Variants in MARCHF1 observed in about 807,000 individuals in gnomAD.
The protein encoded by MARCHF1 is membrane associated ring-CH-type finger 1, also known as E3 ubiquitin-protein ligase MARCHF1.
A neutral mutation model predicts 54.2 loss-of-function variants in MARCHF1; 40 were observed. The ratio of observed to expected loss-of-function variants is 0.74; its 90% confidence interval spans 0.57 to 0.96. The LOEUF is 0.96. Among genes scored for constraint, MARCHF1 ranks in the 40% least tolerant of loss-of-function variants. The pLI is 0.00. For synonymous variants in MARCHF1, 236 were observed against 236.3 expected (o/e 1.00, Z 0.01); for missense variants, 586 against 656.5 (o/e 0.89, Z 1.17).
intron 4 of MARCHF1, among the ~76,000 whole-genome samples, chr4:163,809,182 C>A (rs1215344854): frequency 6.6e-6 from 1 of 152,080 alleles, no homozygotes; most frequent in Non-Finnish European, 1.5e-5. Context: ...ATTGTTAAGT[C>A]AATTAATAAA....
At chr4:163,661,590 C>CTT in intron 5 of MARCHF1, among the ~76,000 whole-genome samples, 1 of 151,914 alleles carries the variant, frequency 6.6e-6, no homozygotes, top group Admixed American at 6.6e-5. Context: ...AATTTTGATA[C>CTT]TTTAAAAAGT....
intron 1 of MARCHF1, among the ~76,000 whole-genome samples, chr4:164,149,006 C>A (rs1729854415): frequency 6.6e-6 from 1 of 152,190 alleles, no homozygotes; most frequent in African/African-American, 2.4e-5. Flanking sequence ...TCATGGGGGG[C>A]AGGTCTTTCA....
rs1262752033 is a variant in MARCHF1 at position 163,760,824 on chromosome 4, T to C, written c.112-59961A>G. Among the ~76,000 whole-genome samples, 3 of 152,198 alleles carry C rather than the reference T, an allele frequency of 2.0e-5. No homozygotes were observed. In the South Asian group the frequency reaches 6.2e-4, roughly 32 times the overall value. On this transcript the variant is annotated intron_variant, in intron 4 of 9. Transcript: ENST00000514618. ...TAATTATGGGTTAGCCAACATTTCA[T>C]CTTATAAATTTACTCTCCTCATTTT...
intron 2 of MARCHF1, among the ~76,000 whole-genome samples, chr4:164,025,859 A>G (rs931863698): frequency 1.3e-5 from 2 of 152,024 alleles, no homozygotes; most frequent in African/African-American, 4.8e-5. Flanking sequence ...AAATATTTAA[A>G]TAAGTGCAAT....
At chr4:163,772,405 G>A (rs983810737) in intron 4 of MARCHF1, among the ~76,000 whole-genome samples, 5 of 152,142 alleles carry the variant, frequency 3.3e-5, no homozygotes, top group African/African-American at 9.7e-5. Context: ...TCATGTAGGC[G>A]TGACTGGGTT....
intron 1 of MARCHF1, among the ~76,000 whole-genome samples, chr4:164,249,764 TA>T (rs5863672): frequency 0.5 from 71,512 of 143,438 alleles, 19,311 homozygotes; most frequent in Non-Finnish European, 0.64. Context: ...CGGTTAGGAT[TA>T]AAAAAAAAAA....
At chr4:163,664,429 C>T (rs918899481) in intron 5 of MARCHF1, among the ~76,000 whole-genome samples, 8 of 151,918 alleles carry the variant, frequency 5.3e-5, no homozygotes, top group Non-Finnish European at 2.9e-5. Context: ...TTAAACATGA[C>T]AAAGAATGCT....
chr4:164,064,433 C>T (rs1754685537), intron 2 of MARCHF1, among the ~76,000 whole-genome samples: 1 of 152,054 alleles, frequency 6.6e-6, no homozygotes, highest in African/African-American at 2.4e-5. Context: ...GAGTTCATTC[C>T]TGATTTGGCT....
At chr4:163,626,980 TG>T (rs1380897413) in intron 5 of MARCHF1, among the ~76,000 whole-genome samples, 1 of 152,074 alleles carries the variant, frequency 6.6e-6, no homozygotes, top group African/African-American at 2.4e-5. Flanking sequence ...AGGCCAAAAA[TG>T]ATCTGAAAGA....
At chr4:163,794,532 C>A (rs374748428) in intron 4 of MARCHF1, among the ~76,000 whole-genome samples, 1 of 152,118 alleles carries the variant, frequency 6.6e-6, no homozygotes, top group Non-Finnish European at 1.5e-5. Context: ...CATACATGAG[C>A]ATAGATAAGA....
intron 4 of MARCHF1, among the ~76,000 whole-genome samples, chr4:163,842,383 GAAT>G (rs1303021917): frequency 6.6e-6 from 1 of 151,408 alleles, no homozygotes; most frequent in Non-Finnish European, 1.5e-5. Flanking sequence ...AAATATTAGA[GAAT>G]ATTACATATA....
chr4:164,132,559 C>T (rs558454576), intron 1 of MARCHF1, among the ~76,000 whole-genome samples: 4 of 152,212 alleles, frequency 2.6e-5, no homozygotes, highest in African/African-American at 4.8e-5. Context: ...GTTAAGATGG[C>T]GACTGCAAGT....
chr4:163,992,559 G>A (rs1251949507), intron 2 of MARCHF1, among the ~76,000 whole-genome samples: 1 of 151,798 alleles, frequency 6.6e-6, no homozygotes, highest in Non-Finnish European at 1.5e-5. Context: ...TAGAGATGGT[G>A]TGAGATTGGC....
At chr4:164,245,029 A>AG (rs1732898692) in intron 1 of MARCHF1, among the ~76,000 whole-genome samples, 1 of 152,234 alleles carries the variant, frequency 6.6e-6, no homozygotes, top group Non-Finnish European at 1.5e-5. Flanking sequence ...TACCAGAGGT[A>AG]CAAGGAGGAA....
intron 4 of MARCHF1, among the ~76,000 whole-genome samples, chr4:163,784,501 T>C (rs979918443): frequency 2.6e-5 from 4 of 152,154 alleles, no homozygotes; most frequent in East Asian, 1.9e-4. Flanking sequence ...CCTATGTTGA[T>C]TGAACATTTT....
chr4:164,022,415 C>T (rs1753684858), intron 2 of MARCHF1, among the ~76,000 whole-genome samples: 1 of 152,122 alleles, frequency 6.6e-6, no homozygotes, highest in Admixed American at 6.5e-5. Flanking sequence ...AGAGCTGACA[C>T]AGAAACCAAG....
rs377266702 is a variant in MARCHF1, at chr4:163,851,515, G to GA, written c.111+2505dup. On this transcript the variant is annotated intron_variant, in intron 4 of 9. Coordinates refer to ENST00000514618, the MANE Select transcript of MARCHF1 (RefSeq NM_001394959.1). Reference sequence around the variant, plus strand: ...TGATTCATTTTCATCGTTTGATGAGGACAATGGCTAACCAGAGATCACGGA... The same window carrying GA: ...TGATTCATTTTCATCGTTTGATGAGGAACAATGGCTAACCAGAGATCACGGA... Among the ~76,000 whole-genome samples, 387 of 152,328 alleles carry GA rather than the reference G, an allele frequency of 2.5e-3. 2 individuals are homozygous for GA. Among genetic ancestry groups the GA allele is most frequent in the African/African-American group, 8.8e-3 (364 of 41,584 alleles).
At chr4:163,880,051 A>G (rs1750381522) in intron 3 of MARCHF1, among the ~76,000 whole-genome samples, 1 of 151,680 alleles carries the variant, frequency 6.6e-6, no homozygotes, top group Non-Finnish European at 1.5e-5. Flanking sequence ...CAAGTATATG[A>G]TATTTATAAA....
At chr4:163,817,277 GTGTT>G (rs1748559012) in intron 4 of MARCHF1, among the ~76,000 whole-genome samples, 1 of 148,602 alleles carries the variant, frequency 6.7e-6, no homozygotes, top group Admixed American at 6.7e-5. Context: ...CTACATGTAT[GTGTT>G]TGTGTGTATA....
Sources: allele counts gnomAD v4.1 joint callset (sites outside exome capture counted in the v4.1 genomes callset), GRCh38; gene constraint gnomAD v4.1.1; transcripts MANE v1.5; gene names NCBI Gene and HGNC (gene_info 2026-07-23, HGNC 2026-07-21).